METTL22: variants seen among roughly 807,000 people sequenced by gnomAD.
METTL22 encodes methyltransferase-like protein 22.
In METTL22, 51 loss-of-function variants were observed where a neutral mutation model predicts 48.4. The ratio of observed to expected loss-of-function variants is 1.05; its 90% CI spans 0.84 to 1.33. The LOEUF is 1.33. Among genes scored for constraint, METTL22 ranks in the 40% most tolerant of loss-of-function variants. The pLI is 0.00. For missense variants in METTL22, 678 were observed against 526.9 expected (o/e 1.29, Z -2.81); for synonymous variants, 255 against 214.1 (o/e 1.19, Z -1.67).
chr16:8,652,180 C>T (rs553103425), downstream of METTL22, among the ~76,000 whole-genome samples: 8 of 152,138 alleles, frequency 5.3e-5, no homozygotes, highest in East Asian at 1.9e-4. Context: ...AGATGTAGGC[C>T]GGGCGCGGTG....
the METTL22 span, among the ~76,000 whole-genome samples, chr16:8,661,664 C>T: frequency 0.016 from 2,037 of 124,268 alleles, 288 homozygotes; most frequent in South Asian, 0.16. Context: ...AAAAAAAGAA[C>T]TTAAAATTGA....
chr16:8,655,492 G>T, the METTL22 span, among the ~76,000 whole-genome samples: 1 of 152,212 alleles, frequency 6.6e-6, no homozygotes, highest in African/African-American at 2.4e-5. Flanking sequence ...AGAGTTTACT[G>T]GGAGGTAACC....
At chr16:8,633,083 C>T (rs980384175) in intron 3 of METTL22, among the ~76,000 whole-genome samples, 3 of 152,052 alleles carry the variant, frequency 2.0e-5, no homozygotes, top group Non-Finnish European at 4.4e-5. Flanking sequence ...CAGGAGATGG[C>T]ATGGGTGGGA....
At chr16:8,662,228 C>T in the METTL22 span, among the ~76,000 whole-genome samples, 11 of 145,350 alleles carry the variant, frequency 7.6e-5, no homozygotes, top group African/African-American at 1.5e-4. Context: ...GGCAATAGAG[C>T]GAGACTCTGT....
At chr16:8,662,100 GGTGCA>G in the METTL22 span, among the ~76,000 whole-genome samples, 2 of 145,050 alleles carry the variant, frequency 1.4e-5, no homozygotes, top group Non-Finnish European at 3.0e-5. Flanking sequence ...CAATCAGCTG[GGTGCA>G]GTGGCACGTG....
chr16:8,645,953 G>T, intron 10 of METTL22, 155 bp from the exon 11 acceptor site: 1 of 1,264,136 alleles, frequency 7.9e-7, no homozygotes, highest in Admixed American at 5.4e-5. Flanking sequence ...AACAAAGAAA[G>T]GAGGAAGCCG....
In METTL22 at chr16:8,646,322, G is replaced by A. The variant is rs1298571717; in HGVS notation, c.*179G>A. The A allele has an allele frequency of 1.2e-6, 1 of 809,066 alleles. No individual in the cohort carries two copies. Among genetic ancestry groups the A allele is most frequent in the Non-Finnish European group, 2.1e-6 (1 of 481,448 alleles). The allele number at this position is 809,066 out of a possible 1,614,324, so 50.1% of individuals were successfully genotyped here. Reference sequence around the variant, plus strand: ...TGTCCCTGCCTCCCAGTTGTAGCCAGAGAAGGTTGTTGCTGTGGGCTGGAG... The same window carrying A: ...TGTCCCTGCCTCCCAGTTGTAGCCAAAGAAGGTTGTTGCTGTGGGCTGGAG... On this transcript the variant is annotated 3_prime_UTR_variant, in exon 11 of 11. Transcript: ENST00000381920.
downstream of METTL22, among the ~76,000 whole-genome samples, chr16:8,649,900 T>C (rs1183204978): frequency 1.3e-5 from 2 of 152,168 alleles, no homozygotes; most frequent in Admixed American, 1.3e-4. Flanking sequence ...CTTGTCAAAA[T>C]ACAGATTCTG....
chr16:8,624,906 T>A (rs1046816964), intron 1 of METTL22, among the ~76,000 whole-genome samples: 1 of 151,916 alleles, frequency 6.6e-6, no homozygotes, highest in Non-Finnish European at 1.5e-5. Flanking sequence ...TAGGAAAGCT[T>A]TATAACAACA....
rs989697144 is a variant in METTL22 at position 8,622,901 on chromosome 16, G to A, written c.-171+1126G>A. Among the ~76,000 whole-genome samples, 15 of 152,318 alleles carry A rather than the reference G, an allele frequency of 9.8e-5. No individual in the cohort carries two copies. In the East Asian group the frequency reaches 2.9e-3, roughly 29 times the overall value. On this transcript the variant is annotated intron_variant, in intron 1 of 10. Coordinates refer to ENST00000381920, the MANE Select transcript of METTL22 (RefSeq NM_024109.4). ...TTTAAAAATGGAAAATTCAACTAGA[G>A]ATTAAGAATTTGAGTTTTTTTGTGT...
At position 8,646,111 on chromosome 16, in the gene METTL22, C is replaced by A; in HGVS notation, c.1183C>A (p.Leu395Ile). The change falls in exon 11 of 11, where the codon CTC becomes ATC. Residue 395 changes from leucine (L) to isoleucine (I), a missense_variant. Physicochemically the swap from Leu to Ile is conservative, Grantham distance 5. Coordinates refer to ENST00000381920, the MANE Select transcript of METTL22 (RefSeq NM_024109.4). ...LVYERLQQLE[L>I]WKIIAEPVT The stretch of plus-strand genomic sequence containing the variant: ...TTCTTTTCTCTGTTTGCTGCAGGAG[C>A]TCTGGAAGATCATCGCAGAACCAGT... 1 of 1,467,682 alleles carries A rather than the reference C, an allele frequency of 6.8e-7. No homozygotes were observed. Among genetic ancestry groups the A allele is most frequent in the Non-Finnish European group, 9.0e-7 (1 of 1,109,756 alleles). The allele number at this position is 1,467,682 out of a possible 1,614,324, so 90.9% of individuals were successfully genotyped here.
Position 8,628,320 on chromosome 16 carries a change from C to G in METTL22, c.134-410C>G, listed in dbSNP as rs559373364. Among the ~76,000 whole-genome samples, 4 of 152,230 alleles carry G rather than the reference C, an allele frequency of 2.6e-5. No individual in the cohort carries two copies. The South Asian group carries it at 6.2e-4, about 24-fold the overall frequency. On this transcript the variant is annotated intron_variant, in intron 2 of 10. Transcript: ENST00000381920. ...ATGGATGATCGGACAGATTCAAAAA[C>G]TGGCATAAACCCGGGATGCTGTGTG... is the stretch of plus-strand genomic sequence containing the variant.
chr16:8,664,167 A>G, the METTL22 span, among the ~76,000 whole-genome samples: 1 of 150,714 alleles, frequency 6.6e-6, no homozygotes, highest in South Asian at 2.1e-4. Flanking sequence ...GGCTCACTGC[A>G]TCCTCCGGCT....
chr16:8,629,146 A>G (rs1389420647), intron 3 of METTL22, 36 bp downstream of exon 3: 1 of 1,590,290 alleles, frequency 6.3e-7, no homozygotes, highest in Non-Finnish European at 8.5e-7. Context: ...CCTGTCACCA[A>G]GGCAACTCCG....
In METTL22 at chr16:8,642,549, C is replaced by G; in HGVS notation, c.994C>G (p.Leu332Val). ...ATTGAAAAATGCCTGCACAGCCATA[C>G]TGTCGGTGGAGAAGAGGTGAGCTTT... is the stretch of plus-strand genomic sequence containing the variant. ...HRLKNACTAI[L>V]SVEKRLNFTL... The change falls in exon 9 of 11, where the codon CTG (leucine) becomes GTG (valine). Residue 332 changes from leucine to valine, a missense_variant. Coordinates refer to ENST00000381920, the MANE Select transcript of METTL22 (RefSeq NM_024109.4). The G allele has an allele frequency of 2.5e-6, 4 of 1,614,246 alleles. No homozygotes were observed. Among genetic ancestry groups the G allele is most frequent in the Non-Finnish European group, 3.4e-6 (4 of 1,180,038 alleles).
At position 8,635,069 on chromosome 16, in the gene METTL22, T is replaced by C. The variant is rs1426016614; in HGVS notation, c.545T>C (p.Val182Ala). 6.2e-7 allele frequency: 1 copy of C among 1,613,760 alleles called. No homozygotes were observed. The highest frequency in any genetic ancestry group is 8.5e-7 in the Non-Finnish European group (1 of 1,180,040). ...EHTMATPLED[V>A]GKQVWRGALL... is the part of the protein sequence containing the mutation. ...ACCATGGCCACGCCCCTGGAGGATG[T>C]TGGCAAGCAGGTGGGTAGGTCTTGT... The change falls in exon 4 of 11, where the codon GTT (valine) becomes GCT (alanine). Residue 182 changes from valine (V) to alanine (A), a missense_variant. Physicochemically the swap from Val to Ala is moderately conservative, Grantham distance 64 (BLOSUM62 0). Coordinates refer to ENST00000381920, the MANE Select transcript of METTL22 (RefSeq NM_024109.4).
At chr16:8,654,076 T>A (rs1427966208), downstream of METTL22, among the ~76,000 whole-genome samples, 1 of 152,134 alleles carries the variant, frequency 6.6e-6, no homozygotes, top group East Asian at 1.9e-4. Flanking sequence ...AGGATCGAGA[T>A]GGTGATAGCC....
chr16:8,623,298 G>A (rs749648812), intron 1 of METTL22, among the ~76,000 whole-genome samples: 1 of 149,484 alleles, frequency 6.7e-6, no homozygotes, highest in Non-Finnish European at 1.5e-5. Flanking sequence ...GCAACAGAGT[G>A]AGACTCTGTC....
chr16:8,622,147 T>A (rs941780151), intron 1 of METTL22, among the ~76,000 whole-genome samples: 2 of 152,192 alleles, frequency 1.3e-5, no homozygotes, highest in Non-Finnish European at 2.9e-5. Context: ...ACTACCACTC[T>A]ACGCACCGTG....
Sources: gnomAD v4.1 joint callset for allele counts (sites outside exome capture counted in the v4.1 genomes callset) on GRCh38, gnomAD v4.1.1 for gene constraint, MANE v1.5 for transcripts, NCBI Gene and HGNC (gene_info 2026-07-23, HGNC 2026-07-21) for gene names.